Variants in CHODL observed in about 807,000 individuals in gnomAD.
The protein encoded by CHODL is chondrolectin.
CHODL carries 29 observed loss-of-function variants against 34.5 expected under a neutral mutation model. The ratio of observed to expected loss-of-function variants is 0.84; its 90% CI spans 0.63 to 1.15. The LOEUF is 1.15. Ranked by LOEUF, CHODL falls within the 50% of genes most tolerant of loss-of-function variation. The pLI, the probability that CHODL is intolerant of heterozygous loss-of-function variation, is 0.00. For missense variants in CHODL, 332 were observed against 332.5 expected, an observed-to-expected ratio of 1.00 and a Z score of 0.01; for synonymous variants, 125 against 116.1, an observed-to-expected ratio of 1.08 and a Z score of -0.49.
chr21:18,036,843 G>A (rs1345360854), intron 2 of CHODL, among the ~76,000 whole-genome samples: 1 of 151,862 alleles, frequency 6.6e-6, no homozygotes, highest in Non-Finnish European at 1.5e-5. Flanking sequence ...GAAACTGGGT[G>A]GAGTTCTTTC....
At chr21:18,065,868 T>A (rs2064726145) in intron 2 of CHODL, among the ~76,000 whole-genome samples, 3 of 152,222 alleles carry the variant, frequency 2.0e-5, no homozygotes, top group Admixed American at 2.0e-4. Flanking sequence ...TTAACAGGAA[T>A]GCTGTGATGG....
At chr21:17,994,578 T>C (rs895424755) in intron 1 of CHODL, among the ~76,000 whole-genome samples, 2 of 152,072 alleles carry the variant, frequency 1.3e-5, no homozygotes, top group Non-Finnish European at 2.9e-5. Flanking sequence ...GGTAGTGGAC[T>C]GAGAGGTCTA....
chr21:18,107,282 C>G (rs1285748558), intron 2 of CHODL, among the ~76,000 whole-genome samples: 1 of 152,164 alleles, frequency 6.6e-6, no homozygotes, highest in Admixed American at 6.5e-5. Flanking sequence ...TTCATGGGAG[C>G]AAATAAACAG....
intron 1 of CHODL, among the ~76,000 whole-genome samples, chr21:17,964,918 C>A (rs1240139006): frequency 1.3e-5 from 2 of 152,152 alleles, no homozygotes; most frequent in Non-Finnish European, 1.5e-5. Flanking sequence ...CTGTTTAGTA[C>A]TTTCCTTTGT....
intron 1 of CHODL, among the ~76,000 whole-genome samples, chr21:17,933,492 A>G (rs1012370333): frequency 1.3e-5 from 2 of 152,240 alleles, no homozygotes; most frequent in Non-Finnish European, 2.9e-5. Context: ...CACATCTTGC[A>G]TAGCCCTTAA....
chr21:18,163,445 TC>T (rs998733615), intron 2 of CHODL, among the ~76,000 whole-genome samples: 2 of 152,214 alleles, frequency 1.3e-5, no homozygotes, highest in African/African-American at 4.8e-5. Flanking sequence ...GCCTTTTTTT[TC>T]CCCTAGAGAG....
intron 2 of CHODL, among the ~76,000 whole-genome samples, chr21:18,078,587 C>T (rs1183551642): frequency 6.6e-6 from 1 of 152,162 alleles, no homozygotes; most frequent in Non-Finnish European, 1.5e-5. Flanking sequence ...TTTTCTCATA[C>T]TTAGAACTTA....
chr21:18,090,504 A>C (rs2065059493), intron 2 of CHODL, among the ~76,000 whole-genome samples: 1 of 152,186 alleles, frequency 6.6e-6, no homozygotes, highest in African/African-American at 2.4e-5. Flanking sequence ...AATAGAAGAT[A>C]ACTTAAAAAA....
At chr21:18,105,332 G>T (rs1022423747) in intron 2 of CHODL, among the ~76,000 whole-genome samples, 1 of 152,204 alleles carries the variant, frequency 6.6e-6, no homozygotes, top group South Asian at 2.1e-4. Context: ...ATTCATACTA[G>T]ACTTGCTTTG....
rs1232601067 is a variant in CHODL at position 18,256,802 on chromosome 21, A to G, written c.373A>G (p.Ser125Gly). The change falls in exon 2 of 6, where the codon AGC becomes GGC. Residue 125 changes from serine to glycine, a missense_variant. Ser to Gly is a moderately conservative substitution (Grantham distance 56). Coordinates refer to ENST00000299295, the MANE Select transcript of CHODL (RefSeq NM_024944.3). ...CPDLYQWSDG[S>G]NSQYRNWYTD... is the part of the protein sequence containing the mutation. The stretch of plus-strand genomic sequence containing the variant: ...AGATCTCTACCAGTGGTCTGATGGA[A>G]GCAATTCCCAGTACCGGTGAGTATG... 1.9e-6 allele frequency: 3 copies of G among 1,613,650 alleles called. No individual in the cohort carries two copies. The highest frequency in any genetic ancestry group is 2.5e-6 in the Non-Finnish European group (3 of 1,179,734).
At chr21:18,149,016 TAG>T (rs1229481329) in intron 2 of CHODL, among the ~76,000 whole-genome samples, 1 of 152,164 alleles carries the variant, frequency 6.6e-6, no homozygotes, top group African/African-American at 2.4e-5. Context: ...GCTTTCTAAT[TAG>T]AGAACTTATT....
intron 1 of CHODL, among the ~76,000 whole-genome samples, chr21:17,993,545 T>C (rs2063818023): frequency 6.6e-6 from 1 of 152,238 alleles, no homozygotes; most frequent in Admixed American, 6.5e-5. Context: ...AAGGACATGA[T>C]CTCATTCTTT....
chr21:18,166,619 AG>A (rs2073156370), intron 2 of CHODL, among the ~76,000 whole-genome samples: 1 of 152,136 alleles, frequency 6.6e-6, no homozygotes, highest in Non-Finnish European at 1.5e-5. Flanking sequence ...TCTGATATAA[AG>A]GGTATCTATT....
chr21:18,136,766 A>G (rs776612749), intron 2 of CHODL, among the ~76,000 whole-genome samples: 1 of 147,062 alleles, frequency 6.8e-6, no homozygotes, highest in Non-Finnish European at 1.5e-5. Context: ...ATACACATAC[A>G]TACACACACA....
chr21:17,940,448 A>G (rs1445766232), intron 1 of CHODL, among the ~76,000 whole-genome samples: 1 of 152,204 alleles, frequency 6.6e-6, no homozygotes, highest in Non-Finnish European at 1.5e-5. Context: ...AGACAAAAAG[A>G]ACAGTTCAAT....
rs371110753 is a variant in CHODL, at chr21:18,011,230, G to A, written c.-144-16642G>A. Among the ~76,000 whole-genome samples the A allele has an allele frequency of 6.6e-5, 10 of 152,272 alleles. No homozygotes were observed. The East Asian group carries it at 1.3e-3, about 21-fold the overall frequency. On this transcript the variant is annotated intron_variant, in intron 1 of 6. Coordinates refer to the CHODL transcript ENST00000400127. ...AATATTAATAAAGTGTTAAATATCAGAGTTTTTGGCTAATAACTTAGCTGA... is the reference window on the plus strand; with the variant it reads ...AATATTAATAAAGTGTTAAATATCAAAGTTTTTGGCTAATAACTTAGCTGA...
At chr21:18,166,014 T>G (rs1334946357) in intron 2 of CHODL, among the ~76,000 whole-genome samples, 1 of 152,168 alleles carries the variant, frequency 6.6e-6, no homozygotes, top group Non-Finnish European at 1.5e-5. Context: ...AAATCTGGGC[T>G]CACCTTAGCT....
intron 2 of CHODL, among the ~76,000 whole-genome samples, chr21:18,217,524 T>C (rs2073842120): frequency 6.6e-6 from 1 of 151,974 alleles, no homozygotes; most frequent in Non-Finnish European, 1.5e-5. Flanking sequence ...ATTGCGTCCT[T>C]CCCAGCAGAG....
chr21:18,051,958 C>T (rs75036971), intron 2 of CHODL, among the ~76,000 whole-genome samples: 3,771 of 151,852 alleles, frequency 0.025, 158 homozygotes, highest in African/African-American at 0.086. Context: ...AAACATATGA[C>T]AGAGCATCTT....
Sources: gnomAD v4.1 joint callset for allele counts (sites outside exome capture counted in the v4.1 genomes callset) on GRCh38, gnomAD v4.1.1 for gene constraint, MANE v1.5 for transcripts, NCBI Gene and HGNC (gene_info 2026-07-23, HGNC 2026-07-21) for gene names.